PCDHGB1: variants seen among roughly 807,000 people sequenced by gnomAD.
PCDHGB1 encodes protocadherin gamma-B1.
A neutral mutation model predicts 56.6 loss-of-function variants in PCDHGB1; 34 were observed. The observed-to-expected ratio is 0.60, with a 90% confidence interval of 0.46 to 0.80. PCDHGB1 has a LOEUF of 0.80. PCDHGB1 is among the 30% of genes least tolerant of loss of function. The pLI is 0.00. For missense variants in PCDHGB1, 1,278 were observed against 1,204.6 expected (o/e 1.06, Z -0.90); for synonymous variants, 561 against 505.9 (o/e 1.11, Z -1.46).
chr5:141,456,042 C>T (rs1437027249), intron 1 of PCDHGB1, among the ~76,000 whole-genome samples: 3 of 151,886 alleles, frequency 2.0e-5, no homozygotes, highest in Non-Finnish European at 2.9e-5. Flanking sequence ...GGACTACAGG[C>T]GCCCACCACC....
rs201458472 is a variant in PCDHGB1 at position 141,403,860 on chromosome 5, C to T, written c.2409+51191C>T. 1.5e-5 allele frequency: 25 copies of T among 1,613,382 alleles called. No individual in the cohort carries two copies. In the Admixed American group the frequency reaches 2.7e-4, roughly 17 times the overall value. Reference sequence around the variant, plus strand: ...AATGAAAATACTGGGGAAATATCAACAGCAAAAAGTCTAGATTATGAAGAA... The same window carrying T: ...AATGAAAATACTGGGGAAATATCAATAGCAAAAAGTCTAGATTATGAAGAA... On this transcript the variant is annotated intron_variant, in intron 1 of 3. Coordinates refer to ENST00000523390, the MANE Select transcript of PCDHGB1 (RefSeq NM_018922.3).
intron 1 of PCDHGB1, chr5:141,484,855 G>T (rs1178318896): frequency 3.9e-6 from 1 of 257,336 alleles, no homozygotes; most frequent in East Asian, 8.3e-5. Context: ...GTTTTTTGGG[G>T]GGTGGGGGAG....
At chr5:141,418,057 G>A (rs2096216088) in intron 1 of PCDHGB1, 2 of 1,614,050 alleles carry the variant, frequency 1.2e-6, no homozygotes, top group East Asian at 4.5e-5. Context: ...CTCGCGAGCT[G>A]CGAGTGAGCG....
chr5:141,418,980 A>T, intron 1 of PCDHGB1: 1 of 1,614,004 alleles, frequency 6.2e-7, no homozygotes. Flanking sequence ...ACACGGGACC[A>T]AGACTCAGGG....
chr5:141,375,960 TGC>T (rs1772099160), intron 1 of PCDHGB1: 2 of 1,613,220 alleles, frequency 1.2e-6, no homozygotes, highest in South Asian at 2.2e-5. Flanking sequence ...ACGGGCGAGG[TGC>T]GCACGGCGCG....
At position 141,410,538 on chromosome 5, in the gene PCDHGB1, T is replaced by C. The variant is rs373020361; in HGVS notation, c.2409+57869T>C. The C allele has an allele frequency of 5.6e-6, 9 of 1,613,830 alleles. No homozygotes were observed. The South Asian group carries it at 7.7e-5, about 14-fold the overall frequency. On this transcript the variant is annotated intron_variant, in intron 1 of 3. Transcript: ENST00000523390. ...GTGCCCCTACATTCCAATGAAGACA[T>C]GGTTTGCAGTGTTTCTCCTGGAGCC...
rs774333465 is a variant in PCDHGB1 at position 141,365,744 on chromosome 5, T to A, written c.2409+13075T>A. On this transcript the variant is annotated intron_variant, in intron 1 of 3. Transcript: ENST00000523390. Reference sequence around the variant, plus strand: ...AAACAATCCCAGAGGTGTCTCTATCTTCTCTGTGACAGCCCATGACCCCGA... The same window carrying A: ...AAACAATCCCAGAGGTGTCTCTATCATCTCTGTGACAGCCCATGACCCCGA... 3.7e-6 allele frequency: 6 copies of A among 1,613,660 alleles called. No homozygotes were observed. Among genetic ancestry groups the A allele is most frequent in the Non-Finnish European group, 4.2e-6 (5 of 1,179,882 alleles).
At chr5:141,414,285 A>G (rs766515802) in intron 1 of PCDHGB1, 1 of 1,613,634 alleles carries the variant, frequency 6.2e-7, no homozygotes, top group East Asian at 2.2e-5. Context: ...GAACAGTCGT[A>G]GCCCTTTTAA....
chr5:141,478,045 T>A, intron 1 of PCDHGB1: 1 of 1,614,144 alleles, frequency 6.2e-7, no homozygotes, highest in Non-Finnish European at 8.5e-7. Context: ...CCAGGCAGAC[T>A]CTCACGGTCT....
chr5:141,478,076 C>G (rs1486983629), intron 1 of PCDHGB1: 2 of 1,614,106 alleles, frequency 1.2e-6, no homozygotes, highest in Non-Finnish European at 1.7e-6. Context: ...CAATGGGGAG[C>G]CTTCGCTCTC....
In PCDHGB1 at chr5:141,487,241, A is replaced by G. The variant is rs753291480; in HGVS notation, c.2410-7566A>G. ...TCCAAGGGAAGGAGAATCTCGTCTA[A>G]CCCTCTACTTGGCTGTGTCCCTAGT... On this transcript the variant is annotated intron_variant, in intron 1 of 3. Transcript: ENST00000523390. The surrounding 1 kb of genome is among the most constrained non-coding windows in gnomAD (Gnocchi z 5.0). 2 of 1,613,876 alleles carry G rather than the reference A, an allele frequency of 1.2e-6. No homozygotes were observed. The highest frequency in any genetic ancestry group is 3.3e-5 in the Admixed American group (2 of 59,988).
At chr5:141,381,416 C>G (rs995030864) in intron 1 of PCDHGB1, among the ~76,000 whole-genome samples, 10 of 152,236 alleles carry the variant, frequency 6.6e-5, no homozygotes, top group African/African-American at 2.2e-4. Context: ...AGTGGAGAGA[C>G]GAGTACCTCT....
rs201325462 is a variant in PCDHGB1, at chr5:141,371,687, G to C, written c.2409+19018G>C. The C allele has an allele frequency of 3.2e-3, 5,173 of 1,614,012 alleles. 13 individuals are homozygous for C. The highest frequency in any genetic ancestry group is 4.1e-3 in the Non-Finnish European group (4,801 of 1,179,898). ...CAGCTACCGACAAAGGCAATCCACC[G>C]CTCTCCTCCAGCAAGACCATCACTC... On this transcript the variant is annotated intron_variant, in intron 1 of 3. Coordinates refer to ENST00000523390, the MANE Select transcript of PCDHGB1 (RefSeq NM_018922.3).
chr5:141,424,768 A>G (rs143190880), intron 1 of PCDHGB1: 38 of 152,284 alleles, frequency 2.5e-4, no homozygotes, highest in African/African-American at 9.1e-4. Context: ...TCTTATGGCA[A>G]ATAGTACATT....
intron 1 of PCDHGB1, chr5:141,372,762 A>G (rs1769049237): frequency 6.2e-7 from 1 of 1,612,570 alleles, no homozygotes; most frequent in South Asian, 1.1e-5. Flanking sequence ...TTGGTTTGAA[A>G]GTAATGACAA....
intron 1 of PCDHGB1, among the ~76,000 whole-genome samples, chr5:141,449,331 G>T (rs1054980032): frequency 3.3e-5 from 5 of 151,950 alleles, no homozygotes; most frequent in Admixed American, 3.3e-4. Flanking sequence ...TGTAGGCCAG[G>T]TGCAGTGGCT....
At chr5:141,422,963 C>T (rs372620011) in intron 1 of PCDHGB1, 43 of 1,614,120 alleles carry the variant, frequency 2.7e-5, no homozygotes, top group Middle Eastern at 1.6e-4. Context: ...GTGGAGCTGG[C>T]GCCCCGCTCT....
intron 1 of PCDHGB1, chr5:141,366,640 T>C (rs965483539): frequency 6.2e-7 from 1 of 1,614,186 alleles, no homozygotes; most frequent in Non-Finnish European, 8.5e-7. Context: ...ACCTGATCTT[T>C]CCCCAGCCCA....
intron 1 of PCDHGB1, chr5:141,405,449 T>A: frequency 6.2e-6 from 8 of 1,283,878 alleles, no homozygotes; most frequent in South Asian, 1.4e-5. Context: ...AGACAGAGTC[T>A]TACTCTGTTA....
Sources: allele counts gnomAD v4.1 joint callset (sites outside exome capture counted in the v4.1 genomes callset), GRCh38; gene constraint gnomAD v4.1.1; non-coding constraint Gnocchi (gnomAD v3.1); transcripts MANE v1.5; gene names NCBI Gene and HGNC (gene_info 2026-07-23, HGNC 2026-07-21).